IQSEC1: variants seen among roughly 807,000 people sequenced by gnomAD.
The protein encoded by IQSEC1 is IQ motif and SEC7 domain-containing protein 1.
In IQSEC1, 31 loss-of-function variants were observed where a neutral mutation model predicts 91.0. That is an observed-to-expected ratio of 0.34 (90% CI 0.26 to 0.46). The LOEUF (loss-of-function observed/expected upper bound fraction) is 0.46. IQSEC1 is among the 20% of genes least tolerant of loss of function. The probability of loss-of-function intolerance (pLI) is 1.00; values close to 1 mark genes in which losing one functional copy is unlikely to be tolerated. For missense variants in IQSEC1, 1,388 were observed against 1,575.6 expected, an observed-to-expected ratio of 0.88 and a Z score of 2.02; for synonymous variants, 699 against 662.6, an observed-to-expected ratio of 1.05 and a Z score of -0.84.
chr3:12,920,028 A>C (rs1438167534), intron 6 of IQSEC1, among the ~76,000 whole-genome samples: 1 of 152,208 alleles, frequency 6.6e-6, no homozygotes, highest in Non-Finnish European at 1.5e-5. Context: ...AAGAATGTAT[A>C]ATTACTTTCT....
At chr3:13,155,256 C>G (rs1707066966) in intron 2 of IQSEC1, among the ~76,000 whole-genome samples, 1 of 151,970 alleles carries the variant, frequency 6.6e-6, no homozygotes, top group Non-Finnish European at 1.5e-5. Context: ...TTAGATTGAC[C>G]AAGAATAAAA....
intron 2 of IQSEC1, among the ~76,000 whole-genome samples, chr3:13,160,679 C>T (rs1707158508): frequency 6.6e-6 from 1 of 152,192 alleles, no homozygotes; most frequent in Non-Finnish European, 1.5e-5. Context: ...GGTTTCTGGC[C>T]TGAAAATATT....
chr3:13,157,617 C>A (rs917866891), intron 2 of IQSEC1, among the ~76,000 whole-genome samples: 1 of 152,100 alleles, frequency 6.6e-6, no homozygotes, highest in African/African-American at 2.4e-5. Flanking sequence ...GTCAAGAATG[C>A]CCAAGAAATC....
chr3:13,199,803 C>T (rs1287961617), intron 1 of IQSEC1, among the ~76,000 whole-genome samples: 2 of 148,190 alleles, frequency 1.3e-5, no homozygotes, highest in Non-Finnish European at 3.0e-5. Context: ...GCTGCCAGGA[C>T]CCCTGCAAGC....
chr3:13,185,226 A>G (rs1478908820), intron 1 of IQSEC1, among the ~76,000 whole-genome samples: 1 of 152,104 alleles, frequency 6.6e-6, no homozygotes, highest in Non-Finnish European at 1.5e-5. Flanking sequence ...TCATCTGTCA[A>G]TGGGAGTTGT....
At chr3:12,980,815 T>G (rs1278669301) in intron 1 of IQSEC1, among the ~76,000 whole-genome samples, 1 of 152,174 alleles carries the variant, frequency 6.6e-6, no homozygotes, top group Non-Finnish European at 1.5e-5. Flanking sequence ...TGTCCAGCCC[T>G]GCCTGCAGGG....
chr3:13,239,704 A>C (rs1040629516), intron 1 of IQSEC1, among the ~76,000 whole-genome samples: 1 of 152,252 alleles, frequency 6.6e-6, no homozygotes, highest in African/African-American at 2.4e-5. Flanking sequence ...CCCACAGGCA[A>C]AACTGAGCCA....
intron 1 of IQSEC1, among the ~76,000 whole-genome samples, chr3:13,210,595 C>G (rs1225428417): frequency 6.6e-6 from 1 of 152,208 alleles, no homozygotes; most frequent in Non-Finnish European, 1.5e-5. Context: ...TTATCCCAAT[C>G]TACGCAGATA....
At chr3:13,079,375 T>G (rs1705613544) in intron 2 of IQSEC1, among the ~76,000 whole-genome samples, 1 of 152,256 alleles carries the variant, frequency 6.6e-6, no homozygotes, top group African/African-American at 2.4e-5. Flanking sequence ...ATTTCCTGCC[T>G]GGAGGAAGGG....
At chr3:12,904,797 C>T (rs1304604883) in intron 12 of IQSEC1, among the ~76,000 whole-genome samples, 1 of 152,248 alleles carries the variant, frequency 6.6e-6, no homozygotes, top group African/African-American at 2.4e-5. Context: ...GCAACTCCTT[C>T]TGGCTGGCCT....
chr3:12,921,098 C>T (rs151180173), intron 5 of IQSEC1, among the ~76,000 whole-genome samples: 119 of 152,248 alleles, frequency 7.8e-4, no homozygotes, highest in African/African-American at 2.7e-3. Flanking sequence ...GGACCGACTG[C>T]TGCAAGAACA....
chr3:13,085,116 TACG>T (rs1452153522), intron 2 of IQSEC1, among the ~76,000 whole-genome samples: 1 of 152,144 alleles, frequency 6.6e-6, no homozygotes, highest in African/African-American at 2.4e-5. Context: ...TCCCGCTTAT[TACG>T]ACATCTCCTC....
intron 8 of IQSEC1, 148 bp downstream of exon 8, chr3:12,914,956 A>G: frequency 1.3e-6 from 1 of 759,864 alleles, no homozygotes; most frequent in Non-Finnish European, 2.2e-6. Flanking sequence ...TGGGGTAATT[A>G]CGAACATCTG....
intron 1 of IQSEC1, among the ~76,000 whole-genome samples, chr3:13,234,360 GT>G (rs1175462411): frequency 2.1e-5 from 3 of 141,566 alleles, no homozygotes; most frequent in Non-Finnish European, 4.6e-5. Flanking sequence ...GCCTATGGGT[GT>G]GAGCACCATG....
chr3:13,150,313 G>A (rs1706972749), intron 2 of IQSEC1, among the ~76,000 whole-genome samples: 1 of 152,192 alleles, frequency 6.6e-6, no homozygotes, highest in African/African-American at 2.4e-5. Flanking sequence ...TCCTCACAGT[G>A]AGCGTTCAGG....
chr3:12,899,307 G>C lies in IQSEC1; in HGVS notation c.*1676C>G. 6.7e-7 allele frequency: 1 copy of C among 1,489,576 alleles called. No individual in the cohort carries two copies. Among genetic ancestry groups the C allele is most frequent in the South Asian group, 1.2e-5 (1 of 84,808 alleles). 92.3% of individuals were successfully genotyped at this position (1,489,576 alleles called of 1,614,324 possible). A position where few individuals can be genotyped will look rare whatever the true frequency, so the allele number is the denominator to read the frequency against. On this transcript the variant is annotated 3_prime_UTR_variant, in exon 14 of 14. Transcript: ENST00000613206. Reference sequence around the variant, plus strand: ...CACTGGGAACGCGGCCCCGCGGCCCGCAGAGTCAGGCGTGAGCTTCGCCCT... The same window carrying C: ...CACTGGGAACGCGGCCCCGCGGCCCCCAGAGTCAGGCGTGAGCTTCGCCCT...
At chr3:13,164,053 C>T (rs1693415058) in intron 2 of IQSEC1, among the ~76,000 whole-genome samples, 2 of 152,130 alleles carry the variant, frequency 1.3e-5, no homozygotes, top group Admixed American at 6.5e-5. Context: ...TCATCAACGC[C>T]GCTCACCGCC....
chr3:12,931,943 A>C (rs1410921222), intron 3 of IQSEC1, among the ~76,000 whole-genome samples: 1 of 152,148 alleles, frequency 6.6e-6, no homozygotes, highest in African/African-American at 2.4e-5. Flanking sequence ...CCCTGCGTAC[A>C]TGTTTCTCAG....
intron 1 of IQSEC1, among the ~76,000 whole-genome samples, chr3:13,024,147 T>C (rs917379919): frequency 6.6e-6 from 1 of 152,222 alleles, no homozygotes; most frequent in African/African-American, 2.4e-5. Context: ...GTTTTCACAA[T>C]GTCTTTTGTG....
Sources: allele counts gnomAD v4.1 joint callset (sites outside exome capture counted in the v4.1 genomes callset), GRCh38; gene constraint gnomAD v4.1.1; transcripts MANE v1.5; gene names NCBI Gene and HGNC (gene_info 2026-07-23, HGNC 2026-07-21).